Variants in COA1 observed in about 807,000 individuals in gnomAD.
The protein encoded by COA1 is cytochrome c oxidase assembly factor 1.
In COA1, 13 loss-of-function variants were observed where a neutral mutation model predicts 16.0. The ratio of observed to expected loss-of-function variants is 0.81; its 90% CI spans 0.53 to 1.29. The LOEUF (loss-of-function observed/expected upper bound fraction) is 1.29. Ranked by LOEUF, COA1 falls within the 50% of genes most tolerant of loss-of-function variation. COA1 has a pLI of 0.00. For missense variants in COA1, 179 were observed against 177.0 expected, an observed-to-expected ratio of 1.01 and a Z score of -0.06; for synonymous variants, 65 against 65.7, an observed-to-expected ratio of 0.99 and a Z score of 0.05.
intron 6 of COA1, among the ~76,000 whole-genome samples, chr7:43,617,072 C>G (rs2152997962): frequency 6.6e-6 from 1 of 152,320 alleles, no homozygotes; most frequent in Admixed American, 6.5e-5. Flanking sequence ...TATACAAATT[C>G]ACTCTTGTGA....
Position 43,648,583 on chromosome 7 carries a change from C to A in COA1, c.15+17G>T, listed in dbSNP as rs1377689857. 1 of 1,614,020 alleles carries A rather than the reference C, an allele frequency of 6.2e-7. No homozygotes were observed. Among genetic ancestry groups the A allele is most frequent in the Admixed American group, 1.7e-5 (1 of 60,026 alleles). On this transcript the variant is annotated intron_variant, in intron 2 of 5. Transcript: ENST00000223336. The stretch of plus-strand genomic sequence containing the variant: ...GCAGGTTCTAGTGGGGAACTTGGCC[C>A]TGGAACATTCCATTACCTTTTGCCA...
intron 1 of COA1, among the ~76,000 whole-genome samples, chr7:43,695,999 A>G (rs932492479): frequency 2.6e-5 from 4 of 152,190 alleles, no homozygotes; most frequent in Admixed American, 6.5e-5. Flanking sequence ...AAAGAGGTTT[A>G]ATCGACATAC....
intron 1 of COA1, among the ~76,000 whole-genome samples, chr7:43,716,218 T>C (rs773006358): frequency 3.7e-4 from 56 of 151,844 alleles, no homozygotes; most frequent in Non-Finnish European, 7.1e-4. Flanking sequence ...CAAGCAGAGG[T>C]TGGAACAGTT....
At chr7:43,656,167 A>T (rs1246697023) in intron 1 of COA1, 3 of 152,256 alleles carry the variant, frequency 2.0e-5, no homozygotes, top group Non-Finnish European at 4.4e-5. Flanking sequence ...CGGAATCATG[A>T]AAGATAATAA....
chr7:43,727,597 C>A (rs1432026885), intron 1 of COA1, among the ~76,000 whole-genome samples: 1 of 152,116 alleles, frequency 6.6e-6, no homozygotes, highest in African/African-American at 2.4e-5. Context: ...GTAAAAGAAG[C>A]CAGTTGAAAA....
chr7:43,630,876 C>G (rs2085108055), intron 6 of COA1, among the ~76,000 whole-genome samples: 1 of 152,128 alleles, frequency 6.6e-6, no homozygotes. Flanking sequence ...GTAGAAAACT[C>G]TCTTGCCCGT....
At chr7:43,705,542 G>C (rs1031567362) in intron 1 of COA1, among the ~76,000 whole-genome samples, 7 of 152,190 alleles carry the variant, frequency 4.6e-5, no homozygotes, top group Non-Finnish European at 1.0e-4. Context: ...CGGGCAGTTG[G>C]GGGAGGTCCT....
intron 1 of COA1, among the ~76,000 whole-genome samples, chr7:43,700,697 A>G (rs905165048): frequency 6.6e-6 from 1 of 151,738 alleles, no homozygotes; most frequent in Non-Finnish European, 1.5e-5. Flanking sequence ...CAATAGTCCT[A>G]TTTTAAAGAA....
At chr7:43,644,078 CG>C (rs950873182) in intron 4 of COA1, among the ~76,000 whole-genome samples, 2 of 152,202 alleles carry the variant, frequency 1.3e-5, no homozygotes, top group African/African-American at 4.8e-5. Flanking sequence ...CCTCCACTGC[CG>C]TATCACACTG....
At chr7:43,648,427 A>C (rs920497471) in intron 2 of COA1, 173 bp downstream of exon 2, 2 of 762,270 alleles carry the variant, frequency 2.6e-6, no homozygotes, top group African/African-American at 3.4e-5. Flanking sequence ...AGAAAGACAG[A>C]GTGGGAAACA....
intron 6 of COA1, among the ~76,000 whole-genome samples, chr7:43,612,904 A>T (rs189399543): frequency 2.0e-5 from 3 of 152,326 alleles, no homozygotes; most frequent in African/African-American, 4.8e-5. Flanking sequence ...CATGATTAAG[A>T]GAAAACCCAT....
chr7:43,673,066 G>T (rs1036976349), intron 1 of COA1, among the ~76,000 whole-genome samples: 2 of 152,108 alleles, frequency 1.3e-5, no homozygotes, highest in Admixed American at 6.6e-5. Flanking sequence ...AAAAAACTCT[G>T]GAAGATAACC....
chr7:43,647,106 G>T (rs1011514998), intron 3 of COA1: 3 of 188,078 alleles, frequency 1.6e-5, no homozygotes, highest in African/African-American at 7.0e-5. Flanking sequence ...CTTGCTCATG[G>T]TCCCTCCTCC....
intron 1 of COA1, among the ~76,000 whole-genome samples, chr7:43,696,045 C>T (rs10236317): frequency 0.15 from 22,171 of 152,120 alleles, 2,188 homozygotes; most frequent in Non-Finnish European, 0.21. Flanking sequence ...ACAATCACGG[C>T]GGAAGACAAG....
At chr7:43,642,963 CAG>C (rs2087585520) in intron 4 of COA1, among the ~76,000 whole-genome samples, 1 of 152,246 alleles carries the variant, frequency 6.6e-6, no homozygotes, top group African/African-American at 2.4e-5. Context: ...AGGACCCTGA[CAG>C]AATGTCAAAA....
At chr7:43,636,833 C>G (rs2085953487), downstream of COA1, among the ~76,000 whole-genome samples, 3 of 152,202 alleles carry the variant, frequency 2.0e-5, no homozygotes, top group African/African-American at 7.2e-5. Context: ...ACACATTCAG[C>G]ACAATCTCTG....
downstream of COA1, among the ~76,000 whole-genome samples, chr7:43,637,711 G>GA (rs1203591547): frequency 2.6e-5 from 4 of 152,182 alleles, no homozygotes; most frequent in Non-Finnish European, 5.9e-5. Flanking sequence ...AATGTGAACA[G>GA]AAAAAATACC....
downstream of COA1, among the ~76,000 whole-genome samples, chr7:43,635,789 T>C (rs962956487): frequency 5.3e-5 from 8 of 152,214 alleles, no homozygotes; most frequent in African/African-American, 1.7e-4. Flanking sequence ...TCTCGTTTCA[T>C]AAAAATAATT....
At chr7:43,704,847 G>C (rs1387267465) in intron 1 of COA1, among the ~76,000 whole-genome samples, 1 of 152,174 alleles carries the variant, frequency 6.6e-6, no homozygotes, top group Non-Finnish European at 1.5e-5. Flanking sequence ...TGGGGAGCTA[G>C]TGCAGTCGTT....
Sources: allele counts gnomAD v4.1 joint callset (sites outside exome capture counted in the v4.1 genomes callset), GRCh38; gene constraint gnomAD v4.1.1; transcripts MANE v1.5; gene names NCBI Gene and HGNC (gene_info 2026-07-23, HGNC 2026-07-21).